The following DHX30 variants were observed in gnomAD, a reference collection of about 807,000 sequenced individuals.
The protein encoded by DHX30 is DExH-box helicase 30, also known as ATP-dependent RNA helicase DHX30.
Under a neutral mutation model 116.9 loss-of-function variants are expected in DHX30, and 4 were observed. The observed-to-expected ratio is 0.03, with a 90% CI of 0.02 to 0.08. The LOEUF is 0.08. Among genes scored for constraint, DHX30 ranks in the 10% least tolerant of loss-of-function variants. The probability of loss-of-function intolerance (pLI) is 1.00; values close to 1 mark genes in which losing one functional copy is unlikely to be tolerated. For synonymous variants in DHX30, 697 were observed against 651.7 expected, an observed-to-expected ratio of 1.07 and a Z score of -1.06; for missense variants, 871 against 1,595.1, an observed-to-expected ratio of 0.55 and a Z score of 7.73.
At chr3:47,819,159 AC>A in intron 4 of DHX30, 2 of 1,268,780 alleles carry the variant, frequency 1.6e-6, no homozygotes, top group Non-Finnish European at 2.1e-6. Context: ...AAGAAATGCC[AC>A]CCCCCTACCG....
chr3:47,844,003 T>G (rs2037493210), intron 9 of DHX30, among the ~76,000 whole-genome samples: 1 of 152,240 alleles, frequency 6.6e-6, no homozygotes, highest in Non-Finnish European at 1.5e-5. Context: ...CTCCTGGCCA[T>G]GGCCGTTCTC....
intron 4 of DHX30, chr3:47,824,990 T>C: frequency 1.8e-6 from 1 of 546,154 alleles, no homozygotes; most frequent in Non-Finnish European, 3.2e-6. Flanking sequence ...GCTCCCGTTC[T>C]CTTCGCCCGG....
rs371037514 is a variant in DHX30, at chr3:47,849,513, C to T, written c.3150C>T (p.Thr1050=). The T allele has an allele frequency of 3.1e-6, 5 of 1,603,158 alleles. No homozygotes were observed. Among genetic ancestry groups the T allele is most frequent in the African/African-American group, 1.3e-5 (1 of 74,864 alleles). The stretch of plus-strand genomic sequence containing the variant: ...AGCCCAACAGCGTCACATATAGGAC[C>T]AAATCAGGCAACATCCTGCTGCACA... The part of the protein sequence containing the change: ...KFKPNSVTYR[T]KSGNILLHKS... The change falls in exon 20 of 22, where the codon ACC becomes ACT. Residue 1050 remains threonine, a synonymous_variant. Transcript: ENST00000445061.
intron 8 of DHX30, chr3:47,842,747 G>A (rs1289927523): frequency 5.2e-6 from 1 of 191,832 alleles, no homozygotes; most frequent in African/African-American, 2.3e-5. Flanking sequence ...CCAGGTGCAG[G>A]GTCTTTTTGC....
At position 47,849,975 on chromosome 3, in the gene DHX30, G is replaced by T. The variant is rs769955322; in HGVS notation, c.3440G>T (p.Arg1147Leu). The change falls in exon 22 of 22, where the codon CGC becomes CTC. Residue 1147 changes from arginine to leucine, a missense_variant. By Grantham distance (102) the Arg-to-Leu change is moderately radical (BLOSUM62 -2). Transcript: ENST00000445061. Reference sequence around the variant, plus strand: ...AAGGAGCTGCGGCGGGCCCTGGGCCGCATGGTGGAGCGGAGCCTGCGCAGC... The same window carrying T: ...AAGGAGCTGCGGCGGGCCCTGGGCCTCATGGTGGAGCGGAGCCTGCGCAGC... Reference protein sequence around the residue: ...LLKELRRALGRMVERSLRSEL... With the variant: ...LLKELRRALGLMVERSLRSEL... 1 of 1,612,572 alleles carries T rather than the reference G, an allele frequency of 6.2e-7. No homozygotes were observed. Among genetic ancestry groups the T allele is most frequent in the Non-Finnish European group, 8.5e-7 (1 of 1,179,654 alleles).
At chr3:47,837,891 G>A (rs989744119) in intron 6 of DHX30, among the ~76,000 whole-genome samples, 1 of 152,192 alleles carries the variant, frequency 6.6e-6, no homozygotes, top group African/African-American at 2.4e-5. Context: ...ACGAGCAATG[G>A]GTTGGCGCCT....
intron 3 of DHX30, chr3:47,815,878 A>G: frequency 2.1e-6 from 2 of 958,656 alleles, no homozygotes; most frequent in Non-Finnish European, 2.5e-6. Flanking sequence ...GATTGTAACA[A>G]CTCTCTCCCA....
intron 6 of DHX30, among the ~76,000 whole-genome samples, chr3:47,836,686 G>A (rs1238646408): frequency 6.6e-6 from 1 of 151,736 alleles, no homozygotes; most frequent in African/African-American, 2.4e-5. Context: ...GCCCAGCTAA[G>A]TTTTGTATTT....
At chr3:47,845,269 C>A (rs1462992781) in intron 9 of DHX30, among the ~76,000 whole-genome samples, 1 of 152,108 alleles carries the variant, frequency 6.6e-6, no homozygotes, top group Non-Finnish European at 1.5e-5. Context: ...CTCACTGCAA[C>A]CTGTGTCTCC....
chr3:47,829,832 A>ATTTTTTAATT (rs1553702409), intron 6 of DHX30, among the ~76,000 whole-genome samples: 2 of 151,434 alleles, frequency 1.3e-5, no homozygotes, highest in Non-Finnish European at 2.9e-5. Context: ...CTTTTTTTAA[A>ATTTTTTAATT]TTTTTTAATT....
At chr3:47,833,706 A>C (rs1184617142) in intron 6 of DHX30, among the ~76,000 whole-genome samples, 2 of 150,862 alleles carry the variant, frequency 1.3e-5, no homozygotes, top group Non-Finnish European at 3.0e-5. Flanking sequence ...AGAAATACAA[A>C]AATTAGCCGG....
rs975010852 is a variant in DHX30 at position 47,847,182 on chromosome 3, G to A, written c.1930-91G>A. Reference sequence around the variant, plus strand: ...ACGTGAGGATTGGAGTTGATGTCAAGCGGCTCCGTCTCACTGAGTCAGGTG... The same window carrying A: ...ACGTGAGGATTGGAGTTGATGTCAAACGGCTCCGTCTCACTGAGTCAGGTG... On this transcript the variant is annotated intron_variant, in intron 11 of 21. Coordinates refer to ENST00000445061, the MANE Select transcript of DHX30 (RefSeq NM_138615.3). This position sits in a 1 kb window ranked among gnomAD's most constrained non-coding sequence, Gnocchi z 5.5. 1.9e-6 allele frequency: 3 copies of A among 1,546,012 alleles called. No individual in the cohort carries two copies. Among genetic ancestry groups the A allele is most frequent in the Non-Finnish European group, 2.7e-6 (3 of 1,120,460 alleles).
At chr3:47,829,803 G>A (rs949415602) in intron 6 of DHX30, among the ~76,000 whole-genome samples, 7 of 151,688 alleles carry the variant, frequency 4.6e-5, no homozygotes, top group Non-Finnish European at 7.4e-5. Context: ...TTTCTCTATC[G>A]CAATGTAGTC....
At chr3:47,849,793 C>T (rs1175802667) in intron 21 of DHX30, 24 bp downstream of exon 21, 1 of 1,608,096 alleles carries the variant, frequency 6.2e-7, no homozygotes, top group Non-Finnish European at 8.5e-7. Context: ...GGCCTCCCGC[C>T]CACCCCGCTC....
chr3:47,821,291 G>A (rs1351120692), intron 4 of DHX30, among the ~76,000 whole-genome samples: 1 of 150,308 alleles, frequency 6.7e-6, no homozygotes, highest in Non-Finnish European at 1.5e-5. Flanking sequence ...TTTTGATGGA[G>A]TTTCGCTCTT....
At chr3:47,813,058 G>A (rs988208310) in intron 3 of DHX30, among the ~76,000 whole-genome samples, 3 of 151,856 alleles carry the variant, frequency 2.0e-5, no homozygotes, top group African/African-American at 7.3e-5. Flanking sequence ...GGCAAGTCTT[G>A]CCGGGCGCGG....
chr3:47,847,055 C>T lies in DHX30; in HGVS notation c.1929+54C>T, dbSNP rs2037640509. 1 of 1,569,368 alleles carries T rather than the reference C, an allele frequency of 6.4e-7. No individual in the cohort carries two copies. Among genetic ancestry groups the T allele is most frequent in the Non-Finnish European group, 8.7e-7 (1 of 1,155,368 alleles). ...CTCCTGGCCTTTCCTCCGTGGATGC[C>T]CCTCCTCCCTGGCCCTGGGGCTTGG... On this transcript the variant is annotated intron_variant, in intron 11 of 21. Coordinates refer to ENST00000445061, the MANE Select transcript of DHX30 (RefSeq NM_138615.3). The surrounding 1 kb of genome is among the most constrained non-coding windows in gnomAD (Gnocchi z 5.5).
chr3:47,848,500 G>T lies in DHX30; in HGVS notation c.2525G>T (p.Ser842Ile). The change falls in exon 16 of 22, where the codon AGT becomes ATT. Residue 842 changes from serine (S) to isoleucine (I), a missense_variant. This residue lies in a region of DHX30 where 238 missense variants were observed against 481.0 expected (regional missense o/e 0.49). Coordinates refer to ENST00000445061, the MANE Select transcript of DHX30 (RefSeq NM_138615.3). The surrounding 1 kb of genome is among the most constrained non-coding windows in gnomAD (Gnocchi z 9.4). ...AVEFLSKAVD[S>I]PNIKAVDEAV... ...GAGTTCCTGTCCAAGGCTGTGGACA[G>T]TCCAAACATCAAGGCAGTGGACGAG... The T allele has an allele frequency of 6.2e-7, 1 of 1,613,984 alleles. No homozygotes were observed. Among genetic ancestry groups the T allele is most frequent in the Non-Finnish European group, 8.5e-7 (1 of 1,179,978 alleles).
At chr3:47,821,075 TC>T (rs2036276408) in intron 4 of DHX30, among the ~76,000 whole-genome samples, 1 of 151,648 alleles carries the variant, frequency 6.6e-6, no homozygotes, top group African/African-American at 2.4e-5. Flanking sequence ...TGCCTCAGCC[TC>T]CCTGGTAACC....
Sources: allele counts gnomAD v4.1 joint callset (sites outside exome capture counted in the v4.1 genomes callset), GRCh38; gene constraint gnomAD v4.1.1; regional missense constraint gnomAD v4.1.1; non-coding constraint Gnocchi (gnomAD v3.1); transcripts MANE v1.5; gene names NCBI Gene and HGNC (gene_info 2026-07-23, HGNC 2026-07-21).